Variants in SEL1L2 observed in about 807,000 individuals in gnomAD.
The protein encoded by SEL1L2 is SEL1L2 adaptor subunit of SYVN1 ubiquitin ligase.
A neutral mutation model predicts 98.8 loss-of-function variants in SEL1L2; 89 were observed. The observed-to-expected ratio is 0.90, with a 90% CI of 0.76 to 1.07. The LOEUF (loss-of-function observed/expected upper bound fraction) is 1.07, where lower values mean the gene tolerates loss of function less well. Among genes scored for constraint, SEL1L2 ranks in the 50% least tolerant of loss-of-function variants. The pLI, the probability that SEL1L2 is intolerant of heterozygous loss-of-function variation, is 0.00. For missense variants in SEL1L2, 788 were observed against 812.0 expected (o/e 0.97, Z 0.36); for synonymous variants, 262 against 278.5 (o/e 0.94, Z 0.59).
intron 1 of SEL1L2, among the ~76,000 whole-genome samples, chr20:13,964,437 C>T (rs1169044101): frequency 1.7e-5 from 2 of 119,266 alleles, no homozygotes; most frequent in Non-Finnish European, 3.3e-5. Context: ...CTGCTATCTG[C>T]TATCTCTTCA....
intron 1 of SEL1L2, among the ~76,000 whole-genome samples, chr20:13,988,319 C>T (rs1053873135): frequency 3.3e-5 from 5 of 152,128 alleles, no homozygotes; most frequent in African/African-American, 1.2e-4. Flanking sequence ...ATTACAGATA[C>T]GAACCATTGT....
At chr20:13,951,073 G>A (rs35848364) in intron 2 of SEL1L2, among the ~76,000 whole-genome samples, 3,505 of 151,778 alleles carry the variant, frequency 0.023, 52 homozygotes, top group Non-Finnish European at 0.038. Context: ...TCAGGAGATC[G>A]AGACCATCCT....
At chr20:13,931,476 T>G (rs912049056) in intron 3 of SEL1L2, 127 bp downstream of exon 3, 2 of 507,606 alleles carry the variant, frequency 3.9e-6, no homozygotes, top group Non-Finnish European at 6.0e-6. Context: ...ACTGCAGAAT[T>G]TAATGCTTTT....
chr20:13,965,420 A>C (rs187331054), intron 1 of SEL1L2, among the ~76,000 whole-genome samples: 102 of 152,278 alleles, frequency 6.7e-4, no homozygotes, highest in African/African-American at 2.4e-3. Context: ...AAGAAGAGAG[A>C]TGATTTGCAC....
intron 2 of SEL1L2, 93 bp downstream of exon 2, chr20:13,955,983 A>G (rs78472779): frequency 4.2e-6 from 3 of 706,262 alleles, no homozygotes; most frequent in Non-Finnish European, 7.5e-6. Context: ...AAAAAAAGAG[A>G]CAATAGTTAA....
intron 18 of SEL1L2, among the ~76,000 whole-genome samples, chr20:13,857,478 G>A (rs1989350919): frequency 6.6e-6 from 1 of 152,224 alleles, no homozygotes; most frequent in South Asian, 2.1e-4. Context: ...CGCCAGCTGG[G>A]CACTGGCCAG....
chr20:13,849,273 C>T lies in SEL1L2; in HGVS notation c.*212G>A. ...GATTGGTAACAAGGTCTTAGGTGACCAGTTCCCAGCATCCCGCAAAGGGTT... is the reference window on the plus strand; with the variant it reads ...GATTGGTAACAAGGTCTTAGGTGACTAGTTCCCAGCATCCCGCAAAGGGTT... On this transcript the variant is annotated 3_prime_UTR_variant, in exon 20 of 20. Coordinates refer to ENST00000284951, the MANE Select transcript of SEL1L2 (RefSeq NM_025229.2). 1 of 516,940 alleles carries T rather than the reference C, an allele frequency of 1.9e-6. No homozygotes were observed. The highest frequency in any genetic ancestry group is 2.3e-5 in the South Asian group (1 of 43,422). The allele number at this position is 516,940 out of a possible 1,614,324, so 32.0% of individuals were successfully genotyped here. A position where few individuals can be genotyped will look rare whatever the true frequency, so the allele number is the denominator to read the frequency against.
At chr20:13,922,826 T>C (rs2048722495) in intron 3 of SEL1L2, among the ~76,000 whole-genome samples, 1 of 152,232 alleles carries the variant, frequency 6.6e-6, no homozygotes. Context: ...TATTGATTGA[T>C]TTGTTTTTAA....
At chr20:13,972,173 T>G (rs1815581817) in intron 1 of SEL1L2, among the ~76,000 whole-genome samples, 4 of 152,208 alleles carry the variant, frequency 2.6e-5, no homozygotes, top group Admixed American at 2.6e-4. Context: ...AGAAATCTGT[T>G]GATATTTTGA....
At chr20:13,865,605 C>T in intron 15 of SEL1L2, 91 bp from the exon 16 acceptor site, 2 of 1,147,008 alleles carry the variant, frequency 1.7e-6, no homozygotes, top group Non-Finnish European at 2.5e-6. Flanking sequence ...CAGCTCCTAC[C>T]AGCTGGTCAG....
At chr20:13,857,871 T>C (rs1424602204) in intron 18 of SEL1L2, among the ~76,000 whole-genome samples, 1 of 152,202 alleles carries the variant, frequency 6.6e-6, no homozygotes. Flanking sequence ...ATTTTATTCT[T>C]AATGCCTGGG....
At chr20:13,931,878 A>T (rs1177492989) in intron 2 of SEL1L2, 107 bp from the exon 3 acceptor site, 1 of 863,414 alleles carries the variant, frequency 1.2e-6, no homozygotes, top group Non-Finnish European at 1.7e-6. Context: ...TACAAGCTTA[A>T]TGCAATTACT....
intron 3 of SEL1L2, among the ~76,000 whole-genome samples, chr20:13,922,167 A>G (rs2048693484): frequency 6.6e-6 from 1 of 152,244 alleles, no homozygotes; most frequent in Non-Finnish European, 1.5e-5. Flanking sequence ...TATATAATTA[A>G]TAAATAAGAA....
At position 13,885,074 on chromosome 20, in the gene SEL1L2, A is replaced by G. The variant is rs1320636806; in HGVS notation, c.957+273T>C. Among the ~76,000 whole-genome samples the G allele has an allele frequency of 2.6e-5, 4 of 152,228 alleles. No individual in the cohort carries two copies. The East Asian group carries it at 7.7e-4, about 29-fold the overall frequency. ...CAGCCCAAAGTGCGTGTGAGTGCGCAGAACTAGGTTCTGTTGGAACATGGA... is the reference window on the plus strand; with the variant it reads ...CAGCCCAAAGTGCGTGTGAGTGCGCGGAACTAGGTTCTGTTGGAACATGGA... On this transcript the variant is annotated intron_variant, in intron 10 of 19. Coordinates refer to ENST00000284951, the MANE Select transcript of SEL1L2 (RefSeq NM_025229.2).
chr20:13,966,199 A>G (rs1234416663), intron 1 of SEL1L2, among the ~76,000 whole-genome samples: 3 of 152,218 alleles, frequency 2.0e-5, no homozygotes, highest in Non-Finnish European at 4.4e-5. Flanking sequence ...GTACGCATGT[A>G]TGACTCTAGG....
chr20:13,982,451 T>C (rs1251834163), intron 1 of SEL1L2, among the ~76,000 whole-genome samples: 1 of 134,892 alleles, frequency 7.4e-6, no homozygotes. Context: ...GTCGAGCCTA[T>C]AGTGAGTTGT....
intron 1 of SEL1L2, among the ~76,000 whole-genome samples, chr20:13,963,510 A>C (rs2050882125): frequency 6.6e-6 from 1 of 151,252 alleles, no homozygotes; most frequent in Non-Finnish European, 1.5e-5. Context: ...TGAGGTCAGG[A>C]GTTCGAGACC....
At chr20:13,973,411 C>T (rs2051374753) in intron 1 of SEL1L2, 2 of 152,242 alleles carry the variant, frequency 1.3e-5, no homozygotes, top group South Asian at 4.1e-4. Flanking sequence ...TATGTAAGCA[C>T]TGCTGAGTCC....
intron 14 of SEL1L2, among the ~76,000 whole-genome samples, chr20:13,868,743 G>GACT (rs2046042110): frequency 6.6e-6 from 1 of 151,884 alleles, no homozygotes; most frequent in Non-Finnish European, 1.5e-5. Context: ...GAGTAGCTGG[G>GACT]ACTACAGGCA....
Sources: allele counts gnomAD v4.1 joint callset (sites outside exome capture counted in the v4.1 genomes callset), GRCh38; gene constraint gnomAD v4.1.1; transcripts MANE v1.5; gene names NCBI Gene and HGNC (gene_info 2026-07-23, HGNC 2026-07-21).